The following FLAD1 variants were observed in gnomAD, a reference collection of about 807,000 sequenced individuals.
The protein encoded by FLAD1 is flavin adenine dinucleotide synthetase 1, also known as bifunctional FAD diphosphatase/FAD synthase.
A neutral mutation model predicts 55.0 loss-of-function variants in FLAD1; 35 were observed. The observed-to-expected ratio is 0.64, with a 90% confidence interval of 0.49 to 0.84. FLAD1 has a LOEUF of 0.84. Among genes scored for constraint, FLAD1 ranks in the 40% least tolerant of loss-of-function variants. The pLI is 0.00. For synonymous variants in FLAD1, 267 were observed against 303.0 expected (o/e 0.88, Z 1.23); for missense variants, 665 against 742.6 (o/e 0.90, Z 1.21).
chr1:154,990,711 C>T (rs1178645680), intron 5 of FLAD1, 183 bp downstream of exon 5: 3 of 552,506 alleles, frequency 5.4e-6, no homozygotes, highest in Non-Finnish European at 9.2e-6. Flanking sequence ...AGCCCAAATT[C>T]AATAGCAGGC....
chr1:154,991,417 T>C (rs1469716627), intron 5 of FLAD1, among the ~76,000 whole-genome samples: 2 of 150,772 alleles, frequency 1.3e-5, no homozygotes, highest in Non-Finnish European at 3.0e-5. Flanking sequence ...TAGCGGAGCG[T>C]GGTGGCAGGC....
intron 1 of FLAD1, among the ~76,000 whole-genome samples, chr1:154,985,969 A>G (rs1571480588): frequency 6.7e-6 from 1 of 149,788 alleles, no homozygotes; most frequent in African/African-American, 2.5e-5. Flanking sequence ...CAGGTGATCC[A>G]CCCGCTTCAG....
Position 154,983,535 on chromosome 1 carries a change from A to C in FLAD1, c.-160A>C. On this transcript the variant is annotated 5_prime_UTR_variant, in exon 1 of 7. Coordinates refer to ENST00000292180, the MANE Select transcript of FLAD1 (RefSeq NM_025207.5). ...GAGAGCGAATGCATTGAAAAGGGCCAAGGCCCAGGATAAGGTAGACATTTA... is the reference window on the plus strand; with the variant it reads ...GAGAGCGAATGCATTGAAAAGGGCCCAGGCCCAGGATAAGGTAGACATTTA... The C allele has an allele frequency of 1.5e-6, 1 of 684,386 alleles. No homozygotes were observed. Among genetic ancestry groups the C allele is most frequent in the South Asian group, 2.3e-5 (1 of 43,626 alleles). The allele number at this position is 684,386 out of a possible 1,614,324, so 42.4% of individuals were successfully genotyped here. A position where few individuals can be genotyped will look rare whatever the true frequency, so the allele number is the denominator to read the frequency against.
intron 1 of FLAD1, among the ~76,000 whole-genome samples, chr1:154,986,238 A>T (rs1329788893): frequency 6.7e-6 from 1 of 148,634 alleles, no homozygotes; most frequent in Non-Finnish European, 1.5e-5. Context: ...TTGTTTTGAG[A>T]CGGAGTCTCG....
chr1:154,986,198 C>G lies in FLAD1; in HGVS notation c.373-1907C>G, dbSNP rs1657595344. ...AGATTACAGGCACCCGCCACCACGCCTGGCTAATTTTTGTGGGGTTTTTGT... is the reference window on the plus strand; with the variant it reads ...AGATTACAGGCACCCGCCACCACGCGTGGCTAATTTTTGTGGGGTTTTTGT... On this transcript the variant is annotated intron_variant, in intron 1 of 6. Coordinates refer to ENST00000292180, the MANE Select transcript of FLAD1 (RefSeq NM_025207.5). 3.3e-5 allele frequency among the ~76,000 whole-genome samples: 5 copies of G among 152,130 alleles called. 1 individual carries two copies. Among genetic ancestry groups the G allele is most frequent in the Admixed American group, 3.3e-4 (5 of 15,260 alleles).
At chr1:154,987,827 A>T in intron 1 of FLAD1, 1 of 793,322 alleles carries the variant, frequency 1.3e-6, no homozygotes, top group Non-Finnish European at 1.9e-6. Context: ...AGTCCCAGCT[A>T]CTCGGAAGGC....
rs757699721 is a variant in FLAD1 at position 154,988,781 on chromosome 1, C to T, written c.1049C>T (p.Ser350Leu). The change falls in exon 2 of 7, where the codon TCG becomes TTG. Residue 350 changes from serine to leucine, a missense_variant. Transcript: ENST00000292180. ...AYLTARLPQGSLVPYMPNAVE... is the reference protein window; with the variant it reads ...AYLTARLPQGLLVPYMPNAVE... ...CTGACTGCCCGTTTGCCCCAGGGATCGCTGGTCCCCTACATGCCCAACGCT... is the reference window on the plus strand; with the variant it reads ...CTGACTGCCCGTTTGCCCCAGGGATTGCTGGTCCCCTACATGCCCAACGCT... The T allele has an allele frequency of 4.3e-5, 70 of 1,614,072 alleles. No individual in the cohort carries two copies. In the East Asian group the frequency reaches 6.5e-4, roughly 15 times the overall value.
At chr1:154,984,339 G>A (rs1213464484) in intron 1 of FLAD1, among the ~76,000 whole-genome samples, 8 of 152,144 alleles carry the variant, frequency 5.3e-5, no homozygotes, top group Non-Finnish European at 8.8e-5. Flanking sequence ...TTACCAAGCA[G>A]TATGGTAGAG....
chr1:154,983,983 A>AC lies in FLAD1; in HGVS notation c.291dup (p.Met98HisfsTer4). The AC allele has an allele frequency of 6.5e-7, 1 of 1,547,748 alleles. No individual in the cohort carries two copies. Among genetic ancestry groups the AC allele is most frequent in the Non-Finnish European group, 8.7e-7 (1 of 1,148,798 alleles). On this transcript the variant is annotated frameshift_variant, in exon 1 of 7. Transcript: ENST00000292180. LOFTEE classifies it high-confidence loss of function. ...CTTGCAGAGGGGCAGAGAAGGCAGGACCATGACATCTAGGGCCTCTGAACT... is the reference window on the plus strand; with the variant it reads ...CTTGCAGAGGGGCAGAGAAGGCAGGACCCATGACATCTAGGGCCTCTGAACT...
At chr1:154,987,060 C>T (rs1024664506) in intron 1 of FLAD1, among the ~76,000 whole-genome samples, 1 of 151,026 alleles carries the variant, frequency 6.6e-6, no homozygotes, top group Non-Finnish European at 1.5e-5. Context: ...GTGACAGGGT[C>T]CCTGTCACCC....
At chr1:154,986,684 A>C (rs1657622921) in intron 1 of FLAD1, among the ~76,000 whole-genome samples, 2 of 147,230 alleles carry the variant, frequency 1.4e-5, no homozygotes, top group African/African-American at 5.0e-5. Flanking sequence ...GGCATGAGCA[A>C]CCTTGCCCAG....
At position 154,983,606 on chromosome 1, in the gene FLAD1, G is replaced by A; in HGVS notation, c.-89G>A. Reference sequence around the variant, plus strand: ...GTAGAGCAGACACTTGAGGAGACCAGCTCAGCAAACGGAAGACACTTAAAG... The same window carrying A: ...GTAGAGCAGACACTTGAGGAGACCAACTCAGCAAACGGAAGACACTTAAAG... On this transcript the variant is annotated 5_prime_UTR_variant, in exon 1 of 7. Transcript: ENST00000292180. 7.1e-7 allele frequency: 1 copy of A among 1,411,096 alleles called. No individual in the cohort carries two copies. Among genetic ancestry groups the A allele is most frequent in the Non-Finnish European group, 9.6e-7 (1 of 1,040,652 alleles). The allele number at this position is 1,411,096 out of a possible 1,614,324, so 87.4% of individuals were successfully genotyped here.
chr1:154,989,721 C>T lies in FLAD1; in HGVS notation c.1265+14C>T, dbSNP rs774796492. ...AGCTGTGCAGAGGTGAGCCTGCCCC[C>T]GGGAGACAAGACCCCTGATCTGTTT... is the stretch of plus-strand genomic sequence containing the variant. On this transcript the variant is annotated intron_variant, in intron 3 of 6. Coordinates refer to ENST00000292180, the MANE Select transcript of FLAD1 (RefSeq NM_025207.5). 35 of 1,494,414 alleles carry T rather than the reference C, an allele frequency of 2.3e-5. No individual in the cohort carries two copies. The highest frequency in any genetic ancestry group is 4.2e-5 in the South Asian group (3 of 72,206). 92.6% of individuals were successfully genotyped at this position (1,494,414 alleles called of 1,614,324 possible). A position where few individuals can be genotyped will look rare whatever the true frequency, so the allele number is the denominator to read the frequency against.
At chr1:154,986,016 C>T (rs980228124) in intron 1 of FLAD1, among the ~76,000 whole-genome samples, 2 of 128,498 alleles carry the variant, frequency 1.6e-5, no homozygotes, top group Middle Eastern at 3.7e-3. Context: ...CCACTGCGCC[C>T]GGCTGTGTGT....
rs202098739 is a variant in FLAD1, at chr1:154,989,671, C to G, written c.1229C>G (p.Thr410Ser). The G allele has an allele frequency of 4.3e-5, 68 of 1,584,370 alleles. No individual in the cohort carries two copies. In the East Asian group the frequency reaches 1.0e-3, roughly 23 times the overall value. Residue 410 changes from threonine (T) to serine (S), a missense_variant, in exon 3 of 7, where the codon ACT (threonine) becomes AGT (serine). Thr to Ser is a moderately conservative substitution (Grantham distance 58, BLOSUM62 1). Coordinates refer to ENST00000292180, the MANE Select transcript of FLAD1 (RefSeq NM_025207.5). ...GGCTTCAACGGGGGCAAAGACTGCA[C>G]TGCCCTCCTGCACCTCTTCCATGCA... is the stretch of plus-strand genomic sequence containing the variant. ...CVGFNGGKDC[T>S]ALLHLFHAAV...
chr1:154,985,561 C>A (rs1397062928), intron 1 of FLAD1, among the ~76,000 whole-genome samples: 1 of 151,882 alleles, frequency 6.6e-6, no homozygotes, highest in Admixed American at 6.6e-5. Flanking sequence ...TGCCACCACA[C>A]CTGGCTAATT....
In FLAD1 at chr1:154,989,637, C is replaced by G. The variant is rs1466211493; in HGVS notation, c.1195C>G (p.Leu399Val). ...CCTGGCTCAGTACAGCCTCACCCAGCTCTGTGTGGGCTTCAACGGGGGCAA... is the reference window on the plus strand; with the variant it reads ...CCTGGCTCAGTACAGCCTCACCCAGGTCTGTGTGGGCTTCAACGGGGGCAA... ...TSLAQYSLTQ[L>V]CVGFNGGKDC... The change falls in exon 3 of 7, where the codon CTC (leucine) becomes GTC (valine). Residue 399 changes from leucine to valine, a missense_variant. By Grantham distance (32) the Leu-to-Val change is conservative (BLOSUM62 1). Transcript: ENST00000292180. 6.2e-7 allele frequency: 1 copy of G among 1,601,772 alleles called. No homozygotes were observed. The highest frequency in any genetic ancestry group is 8.5e-7 in the Non-Finnish European group (1 of 1,173,070).
chr1:154,987,395 G>C (rs1264885034), intron 1 of FLAD1: 1 of 152,738 alleles, frequency 6.5e-6, no homozygotes, highest in African/African-American at 2.4e-5. Flanking sequence ...GGCTGGAAAA[G>C]AAGATAGGGT....
At chr1:154,989,451 CAG>C in intron 2 of FLAD1, 107 bp from the exon 3 acceptor site, 1 of 1,180,764 alleles carries the variant, frequency 8.5e-7, no homozygotes, top group Non-Finnish European at 1.2e-6. Flanking sequence ...ACTTTATCCT[CAG>C]AACACTGGGA....
Sources: gnomAD v4.1 joint callset for allele counts (sites outside exome capture counted in the v4.1 genomes callset) on GRCh38, gnomAD v4.1.1 for gene constraint, MANE v1.5 for transcripts, NCBI Gene and HGNC (gene_info 2026-07-23, HGNC 2026-07-21) for gene names.